Variants in ADAMTS17 observed in about 807,000 individuals in gnomAD.
ADAMTS17 encodes the protein A disintegrin and metalloproteinase with thrombospondin motifs 17.
In ADAMTS17, 113 loss-of-function variants were observed where a neutral mutation model predicts 141.5. The observed-to-expected ratio is 0.80, with a 90% CI of 0.69 to 0.93. ADAMTS17 has a LOEUF of 0.93. Ranked by LOEUF, ADAMTS17 falls within the 40% of genes least tolerant of loss-of-function variation. ADAMTS17 has a pLI of 0.00. For synonymous variants in ADAMTS17, 768 were observed against 630.6 expected, an observed-to-expected ratio of 1.22 and a Z score of -3.27; for missense variants, 1,659 against 1,517.9, an observed-to-expected ratio of 1.09 and a Z score of -1.54.
In ADAMTS17 at chr15:99,972,148, G is replaced by C. The variant is rs1306043940; in HGVS notation, c.*2254C>G. Reference sequence around the variant, plus strand: ...CGCCTGTAGTCCCAGCTACTGGGGAGGGTGAGGCAGAAGAATGGCCTGAAC... The same window carrying C: ...CGCCTGTAGTCCCAGCTACTGGGGACGGTGAGGCAGAAGAATGGCCTGAAC... On this transcript the variant is annotated 3_prime_UTR_variant, in exon 22 of 22. Transcript: ENST00000268070. The C allele has an allele frequency of 1.3e-5, 2 of 152,420 alleles. No homozygotes were observed. The highest frequency in any genetic ancestry group is 6.5e-5 in the Admixed American group (1 of 15,278). The allele number at this position is 152,420 out of a possible 1,614,324, so 9.4% of individuals were successfully genotyped here.
At chr15:100,167,797 G>C (rs571045331) in intron 8 of ADAMTS17, among the ~76,000 whole-genome samples, 8 of 152,338 alleles carry the variant, frequency 5.3e-5, no homozygotes, top group African/African-American at 1.9e-4. Context: ...GCTCTCCTTA[G>C]GTTTTTAGAG....
chr15:100,098,727 C>T (rs915713133), intron 14 of ADAMTS17, among the ~76,000 whole-genome samples: 1 of 152,108 alleles, frequency 6.6e-6, no homozygotes, highest in Non-Finnish European at 1.5e-5. Context: ...TGTCCCCCAG[C>T]AGTGTTTAGC....
chr15:99,989,589 G>A (rs1294935053), intron 20 of ADAMTS17, among the ~76,000 whole-genome samples: 1 of 152,226 alleles, frequency 6.6e-6, no homozygotes, highest in Non-Finnish European at 1.5e-5. Context: ...AGATGATCCC[G>A]AACATCTGCC....
intron 18 of ADAMTS17, among the ~76,000 whole-genome samples, chr15:100,003,335 C>G (rs749317925): frequency 6.6e-6 from 1 of 152,020 alleles, no homozygotes; most frequent in Non-Finnish European, 1.5e-5. Context: ...CAGCAGTATA[C>G]GAGGCTCACT....
At chr15:100,312,909 A>C (rs2045449057) in intron 3 of ADAMTS17, among the ~76,000 whole-genome samples, 2 of 152,230 alleles carry the variant, frequency 1.3e-5, no homozygotes, top group African/African-American at 4.8e-5. Flanking sequence ...AGGCCCTTAC[A>C]CATTTAAATT....
At chr15:99,989,673 G>A (rs941589006) in intron 20 of ADAMTS17, among the ~76,000 whole-genome samples, 3 of 152,208 alleles carry the variant, frequency 2.0e-5, no homozygotes, top group East Asian at 1.9e-4. Flanking sequence ...ATCAGTGACC[G>A]TTTTCAAGCT....
intron 6 of ADAMTS17, among the ~76,000 whole-genome samples, chr15:100,254,837 C>T (rs1277829518): frequency 6.6e-6 from 1 of 152,082 alleles, no homozygotes; most frequent in Non-Finnish European, 1.5e-5. Context: ...CACACCAGGG[C>T]CAGCCGGGGG....
chr15:99,988,059 C>T (rs73480528), intron 20 of ADAMTS17, among the ~76,000 whole-genome samples: 6,510 of 152,082 alleles, frequency 0.043, 419 homozygotes, highest in African/African-American at 0.13. Context: ...CAGGCTCTGG[C>T]TGGGGGCCCT....
intron 18 of ADAMTS17, among the ~76,000 whole-genome samples, chr15:100,044,863 A>G (rs1421148643): frequency 6.6e-6 from 1 of 150,684 alleles, no homozygotes; most frequent in Non-Finnish European, 1.5e-5. Context: ...GCTGGAGTAC[A>G]GTGGCGTGAT....
chr15:100,082,796 T>C (rs1596374024), intron 15 of ADAMTS17, among the ~76,000 whole-genome samples: 1 of 148,108 alleles, frequency 6.8e-6, no homozygotes, highest in East Asian at 2.1e-4. Flanking sequence ...TTCATCTTGG[T>C]TTTTCTCATT....
chr15:100,222,781 T>C (rs985067444), intron 7 of ADAMTS17, among the ~76,000 whole-genome samples: 2 of 152,240 alleles, frequency 1.3e-5, no homozygotes, highest in Non-Finnish European at 2.9e-5. Flanking sequence ...CCGCCCATGA[T>C]GCCAACGTGG....
chr15:100,149,329 T>A (rs1281864324), intron 10 of ADAMTS17, among the ~76,000 whole-genome samples: 1 of 152,230 alleles, frequency 6.6e-6, no homozygotes, highest in Non-Finnish European at 1.5e-5. Flanking sequence ...AGCGTGAGTG[T>A]GTTGGATAGA....
chr15:100,206,037 G>A (rs1235433635), intron 7 of ADAMTS17, among the ~76,000 whole-genome samples: 3 of 152,188 alleles, frequency 2.0e-5, no homozygotes, highest in African/African-American at 4.8e-5. Context: ...GCCCCTCAGT[G>A]AGCCACACCC....
chr15:99,976,051 G>A lies in ADAMTS17; in HGVS notation c.3121C>T (p.Arg1041Cys), dbSNP rs149434438. The part of the protein sequence containing the change: ...RINANTITSP[R>C]LAALTYKCTR... ...GGCCAGTGAAGACACTCACCAAGGC[G>A]GGGGGAGGTGATGGTGTTGGCGTTG... is the stretch of plus-strand genomic sequence containing the variant. The change falls in exon 21 of 22, where the codon CGC becomes TGC. Residue 1041 changes from arginine (R) to cysteine (C), a missense_variant. Coordinates refer to ENST00000268070, the MANE Select transcript of ADAMTS17 (RefSeq NM_139057.4). The A allele has an allele frequency of 5.2e-5, 81 of 1,550,130 alleles. No homozygotes were observed. The highest frequency in any genetic ancestry group is 2.7e-4 in the African/African-American group (20 of 73,158).
chr15:100,243,999 A>T (rs560070344), intron 7 of ADAMTS17, among the ~76,000 whole-genome samples: 2 of 152,188 alleles, frequency 1.3e-5, no homozygotes, highest in South Asian at 2.1e-4. Flanking sequence ...AAGACATACC[A>T]GAGTCTGGGT....
chr15:100,091,877 T>A (rs139273248), intron 15 of ADAMTS17, among the ~76,000 whole-genome samples: 145 of 152,336 alleles, frequency 9.5e-4, no homozygotes, highest in African/African-American at 3.3e-3. Context: ...AGAATATTAC[T>A]ATCTTACGTT....
rs116380631 is a variant in ADAMTS17 at position 100,215,412 on chromosome 15, G to A, written c.1076-15989C>T. On this transcript the variant is annotated intron_variant, in intron 7 of 21. Transcript: ENST00000268070. ...GCTCCAGCCTTGTAACTGTCCCATT[G>A]TCATGGCAGAAGGAACCTCACTGCT... Among the ~76,000 whole-genome samples, 1,242 of 152,312 alleles carry A rather than the reference G, an allele frequency of 8.2e-3. 17 individuals are homozygous for A. The highest frequency in any genetic ancestry group is 0.029 in the African/African-American group (1,202 of 41,556).
intron 20 of ADAMTS17, chr15:99,976,629 T>A: frequency 3.0e-6 from 1 of 332,218 alleles, no homozygotes; most frequent in Non-Finnish European, 5.8e-6. Flanking sequence ...TTAGATGTCA[T>A]GAGGGTGGAG....
intron 14 of ADAMTS17, among the ~76,000 whole-genome samples, chr15:100,102,103 G>C (rs1334210130): frequency 6.6e-6 from 1 of 152,232 alleles, no homozygotes; most frequent in Non-Finnish European, 1.5e-5. Context: ...TTCCCTGCAT[G>C]CTTGCTTGAT....
Sources: gnomAD v4.1 joint callset for allele counts (sites outside exome capture counted in the v4.1 genomes callset) on GRCh38, gnomAD v4.1.1 for gene constraint, MANE v1.5 for transcripts, NCBI Gene and HGNC (gene_info 2026-07-23, HGNC 2026-07-21) for gene names.